The following PCDHGB3 variants were observed in gnomAD, a reference collection of about 807,000 sequenced individuals.
PCDHGB3 encodes protocadherin gamma-B3.
Under a neutral mutation model 59.2 loss-of-function variants are expected in PCDHGB3, and 40 were observed. That is an observed-to-expected ratio of 0.68 (90% CI 0.52 to 0.88). The LOEUF is 0.88. PCDHGB3 is among the 40% of genes least tolerant of loss of function. The pLI is 0.00. For missense variants in PCDHGB3, 1,309 were observed against 1,187.9 expected (o/e 1.10, Z -1.50); for synonymous variants, 581 against 503.6 (o/e 1.15, Z -2.06).
At chr5:141,417,027 GGT>G (rs1491367168) in intron 1 of PCDHGB3, 2 of 134,514 alleles carry the variant, frequency 1.5e-5, no homozygotes, top group Non-Finnish European at 3.1e-5. Flanking sequence ...GAAAAATACA[GGT>G]TTTTTTTTTA....
intron 1 of PCDHGB3, chr5:141,492,050 C>T (rs2099736541): frequency 4.0e-6 from 2 of 500,984 alleles, no homozygotes; most frequent in South Asian, 7.5e-5. Context: ...AGATCCACCC[C>T]TGCAGCCAGC....
intron 1 of PCDHGB3, chr5:141,426,347 T>C (rs977411941): frequency 5.2e-6 from 1 of 193,980 alleles, no homozygotes; most frequent in African/African-American, 2.3e-5. Context: ...TTCCCTTTCC[T>C]GCTGCCTTTG....
At chr5:141,510,873 T>A in intron 3 of PCDHGB3, 74 bp from the exon 4 acceptor site, 1 of 1,609,964 alleles carries the variant, frequency 6.2e-7, no homozygotes, top group Non-Finnish European at 8.5e-7. Flanking sequence ...ATTCATTAAC[T>A]GCTGGGGATA....
intron 1 of PCDHGB3, chr5:141,421,226 C>A (rs368125665): frequency 3.7e-5 from 58 of 1,584,718 alleles, no homozygotes; most frequent in Non-Finnish European, 4.6e-5. Context: ...TTAGAGCCTG[C>A]CATGGCGAAT....
chr5:141,415,744 T>TTTTTG, intron 1 of PCDHGB3: 1 of 404,416 alleles, frequency 2.5e-6, no homozygotes, highest in Non-Finnish European at 3.0e-6. Context: ...ATTAAGGTTT[T>TTTTTG]TTTTTTTTTT....
rs1043628660 is a variant in PCDHGB3, at chr5:141,478,879, G to A, written c.2416-15928G>A. On this transcript the variant is annotated intron_variant, in intron 1 of 3. Coordinates refer to ENST00000576222, the MANE Select transcript of PCDHGB3 (RefSeq NM_018924.5). ...GATCTCAGCGATCAGAGTTTAGCTT[G>A]GTATCATTTACATTAGGAATAAGCT... is the stretch of plus-strand genomic sequence containing the variant. 9 of 1,243,630 alleles carry A rather than the reference G, an allele frequency of 7.2e-6. No homozygotes were observed. The African/African-American group carries it at 1.1e-4, about 15-fold the overall frequency. The allele number at this position is 1,243,630 out of a possible 1,614,324, so 77.0% of individuals were successfully genotyped here.
intron 1 of PCDHGB3, chr5:141,416,489 G>A (rs2096031582): frequency 1.3e-5 from 2 of 152,158 alleles, no homozygotes; most frequent in Admixed American, 1.3e-4. Context: ...GAGAACAGGA[G>A]CAAGAGATAT....
intron 1 of PCDHGB3, chr5:141,418,345 T>G: frequency 6.2e-7 from 1 of 1,614,000 alleles, no homozygotes; most frequent in Non-Finnish European, 8.5e-7. Context: ...ATCCTGATAT[T>G]AGTATGAATT....
At chr5:141,410,888 C>G in intron 1 of PCDHGB3, 1 of 290,774 alleles carries the variant, frequency 3.4e-6, no homozygotes, top group Non-Finnish European at 5.6e-6. Flanking sequence ...GAGTCTCGCA[C>G]TGTTGCCTAG....
chr5:141,478,097 A>G lies in PCDHGB3; in HGVS notation c.2416-16710A>G, dbSNP rs757796085. Reference sequence around the variant, plus strand: ...GGAGCCTTCGCTCTCCACCACTGCTACCCTCACTGTGTCAGTAACCGAGGA... The same window carrying G: ...GGAGCCTTCGCTCTCCACCACTGCTGCCCTCACTGTGTCAGTAACCGAGGA... On this transcript the variant is annotated intron_variant, in intron 1 of 3. Transcript: ENST00000576222. 9.9e-6 allele frequency: 16 copies of G among 1,613,666 alleles called. No homozygotes were observed. Among genetic ancestry groups the G allele is most frequent in the Admixed American group, 1.7e-5 (1 of 59,970 alleles).
At chr5:141,409,227 A>G (rs2095244126) in intron 1 of PCDHGB3, 1 of 1,613,922 alleles carries the variant, frequency 6.2e-7, no homozygotes, top group African/African-American at 1.3e-5. Flanking sequence ...GATGAAAACG[A>G]CAACAGCCCA....
At position 141,511,482 on chromosome 5, in the gene PCDHGB3, C is replaced by A. The variant is rs761434245; in HGVS notation, c.*309C>A. ...CACACCCCGTTTAGTTACAGCTGAA[C>A]TCCTCCATCTTCCAAATCAATCAGG... On this transcript the variant is annotated 3_prime_UTR_variant, in exon 4 of 4. Coordinates refer to ENST00000576222, the MANE Select transcript of PCDHGB3 (RefSeq NM_018924.5). The A allele has an allele frequency of 2.4e-4, 113 of 464,462 alleles. No homozygotes were observed. Among genetic ancestry groups the A allele is most frequent in the Non-Finnish European group, 4.0e-4 (105 of 260,154 alleles). The allele number at this position is 464,462 out of a possible 1,614,324, so 28.8% of individuals were successfully genotyped here. A position where few individuals can be genotyped will look rare whatever the true frequency, so the allele number is the denominator to read the frequency against.
intron 1 of PCDHGB3, among the ~76,000 whole-genome samples, chr5:141,439,132 G>C (rs1180893484): frequency 6.6e-6 from 1 of 151,054 alleles, no homozygotes; most frequent in African/African-American, 2.4e-5. Context: ...GACAGAGGTT[G>C]CAGTGAGCTG....
intron 1 of PCDHGB3, among the ~76,000 whole-genome samples, chr5:141,447,983 G>A (rs1311439824): frequency 6.6e-6 from 1 of 151,972 alleles, no homozygotes; most frequent in Non-Finnish European, 1.5e-5. Context: ...CTACTCGGGA[G>A]GCTGAGGCAT....
chr5:141,508,725 G>C (rs1447443196), intron 3 of PCDHGB3, among the ~76,000 whole-genome samples: 1 of 151,788 alleles, frequency 6.6e-6, no homozygotes, highest in Non-Finnish European at 1.5e-5. Flanking sequence ...TGTGCAGGGA[G>C]ACTACACCCC....
chr5:141,403,419 A>G, intron 1 of PCDHGB3: 1 of 1,614,050 alleles, frequency 6.2e-7, no homozygotes, highest in Non-Finnish European at 8.5e-7. Context: ...CCACTTCCAG[A>G]AGCTATTGAT....
At chr5:141,383,357 CG>C (rs1779064068) in intron 1 of PCDHGB3, 2 of 1,613,956 alleles carry the variant, frequency 1.2e-6, no homozygotes, top group Non-Finnish European at 1.7e-6. Flanking sequence ...GTTCGGTTTC[CG>C]TTAAGCGAGG....
intron 1 of PCDHGB3, among the ~76,000 whole-genome samples, chr5:141,425,689 A>C (rs887583603): frequency 6.6e-6 from 1 of 152,232 alleles, no homozygotes; most frequent in African/African-American, 2.4e-5. Flanking sequence ...ACTGCATATC[A>C]TTTCATAGTG....
intron 2 of PCDHGB3, among the ~76,000 whole-genome samples, chr5:141,503,518 G>A (rs576791899): frequency 6.7e-6 from 1 of 149,524 alleles, no homozygotes; most frequent in East Asian, 2.0e-4. Flanking sequence ...AGAATCACTT[G>A]AACCTGGGAG....
Sources: gnomAD v4.1 joint callset for allele counts (sites outside exome capture counted in the v4.1 genomes callset) on GRCh38, gnomAD v4.1.1 for gene constraint, MANE v1.5 for transcripts, NCBI Gene and HGNC (gene_info 2026-07-23, HGNC 2026-07-21) for gene names.